ANKS1B: variants seen among roughly 807,000 people sequenced by gnomAD.
ANKS1B encodes the protein ankyrin repeat and sterile alpha motif domain containing 1B.
A neutral mutation model predicts 148.3 loss-of-function variants in ANKS1B; 36 were observed. That is an observed-to-expected ratio of 0.24 (90% CI 0.19 to 0.32). ANKS1B has a LOEUF of 0.32. Ranked by LOEUF, ANKS1B falls within the 10% of genes least tolerant of loss-of-function variation. ANKS1B has a pLI of 1.00. For missense variants in ANKS1B, 1,157 were observed against 1,542.6 expected (o/e 0.75, Z 4.19); for synonymous variants, 542 against 560.8 (o/e 0.97, Z 0.47).
intron 17 of ANKS1B, among the ~76,000 whole-genome samples, chr12:98,962,412 A>T (rs889692605): frequency 6.0e-5 from 9 of 149,376 alleles, no homozygotes; most frequent in African/African-American, 1.7e-4. Context: ...AATATATAAT[A>T]TATATTTTCA....
intron 11 of ANKS1B, among the ~76,000 whole-genome samples, chr12:99,421,744 A>G (rs1217317066): frequency 6.6e-6 from 1 of 152,102 alleles, no homozygotes; most frequent in Non-Finnish European, 1.5e-5. Flanking sequence ...AACCCAAGTG[A>G]TATAGTTTGA....
intron 11 of ANKS1B, among the ~76,000 whole-genome samples, chr12:99,438,464 T>C (rs574266092): frequency 6.6e-6 from 1 of 151,984 alleles, no homozygotes; most frequent in South Asian, 2.1e-4. Context: ...ACCAAACTTA[T>C]CATGTCATCT....
intron 12 of ANKS1B, among the ~76,000 whole-genome samples, chr12:99,353,065 G>T (rs540199267): frequency 6.6e-6 from 1 of 152,052 alleles, no homozygotes; most frequent in African/African-American, 2.4e-5. Flanking sequence ...AATCACATTA[G>T]CCCAAGCCCC....
At chr12:99,616,141 G>A (rs2097957143) in intron 9 of ANKS1B, among the ~76,000 whole-genome samples, 1 of 152,044 alleles carries the variant, frequency 6.6e-6, no homozygotes, top group Non-Finnish European at 1.5e-5. Context: ...AAATCAGAGA[G>A]GACACAAACA....
chr12:99,739,674 C>T (rs1274493808), intron 8 of ANKS1B, among the ~76,000 whole-genome samples: 3 of 152,162 alleles, frequency 2.0e-5, no homozygotes, highest in South Asian at 2.1e-4. Context: ...ATCTCTATGT[C>T]ATCTCCGCCT....
intron 17 of ANKS1B, among the ~76,000 whole-genome samples, chr12:98,841,547 T>TA (rs928257439): frequency 6.6e-6 from 1 of 152,096 alleles, no homozygotes; most frequent in Non-Finnish European, 1.5e-5. Context: ...TGGGAGGAGG[T>TA]AAAAAATCTA....
At chr12:99,749,601 C>T (rs2060919690) in intron 8 of ANKS1B, among the ~76,000 whole-genome samples, 2 of 152,204 alleles carry the variant, frequency 1.3e-5, no homozygotes, top group Admixed American at 1.3e-4. Context: ...ATTTTCAACA[C>T]TGAACTGGTA....
intron 4 of ANKS1B, among the ~76,000 whole-genome samples, chr12:99,802,719 C>A (rs1602465026): frequency 6.6e-6 from 1 of 152,012 alleles, no homozygotes; most frequent in East Asian, 1.9e-4. Context: ...TCGAGACCAA[C>A]CTGGGCAACA....
intron 12 of ANKS1B, among the ~76,000 whole-genome samples, chr12:99,286,702 G>A (rs1301217625): frequency 2.0e-5 from 3 of 152,176 alleles, no homozygotes; most frequent in Admixed American, 6.5e-5. Context: ...ATCCAGGCCT[G>A]GCAGCATTCA....
intron 12 of ANKS1B, among the ~76,000 whole-genome samples, chr12:99,347,321 C>A (rs1040963345): frequency 1.2e-4 from 18 of 152,036 alleles, no homozygotes; most frequent in African/African-American, 4.3e-4. Flanking sequence ...GGAGTAAGGG[C>A]TTTGAGAAGC....
At chr12:99,727,155 G>T (rs1284897505) in intron 8 of ANKS1B, among the ~76,000 whole-genome samples, 1 of 152,080 alleles carries the variant, frequency 6.6e-6, no homozygotes, top group Admixed American at 6.6e-5. Flanking sequence ...TCAGGCAAGA[G>T]AAAGAAGTAA....
chr12:99,193,154 C>T (rs935396692), intron 14 of ANKS1B, among the ~76,000 whole-genome samples: 1 of 152,146 alleles, frequency 6.6e-6, no homozygotes, highest in Non-Finnish European at 1.5e-5. Flanking sequence ...TATGCTTATT[C>T]CTTGTACATA....
intron 8 of ANKS1B, among the ~76,000 whole-genome samples, chr12:99,733,500 A>C (rs1178711780): frequency 6.6e-6 from 1 of 152,212 alleles, no homozygotes; most frequent in African/African-American, 2.4e-5. Flanking sequence ...TTGAGGAGAA[A>C]TTACAATGTT....
At chr12:99,875,085 C>T (rs1387082) in intron 1 of ANKS1B, among the ~76,000 whole-genome samples, 12,873 of 152,068 alleles carry the variant, frequency 0.085, 677 homozygotes, top group Middle Eastern at 0.16. Context: ...AAAGTTGCTG[C>T]ATGAAGTTGC....
intron 26 of ANKS1B, among the ~76,000 whole-genome samples, chr12:98,747,869 G>A (rs2097934800): frequency 6.6e-6 from 1 of 152,200 alleles, no homozygotes; most frequent in South Asian, 2.1e-4. Flanking sequence ...GACAAATATT[G>A]TATGTTCTCA....
At chr12:99,545,482 G>A (rs1444518145) in intron 9 of ANKS1B, among the ~76,000 whole-genome samples, 1 of 152,006 alleles carries the variant, frequency 6.6e-6, no homozygotes, top group African/African-American at 2.4e-5. Flanking sequence ...TTGTTTGTTT[G>A]TTTAGGTCAC....
chr12:99,252,076 C>T (rs1566739767), intron 12 of ANKS1B, among the ~76,000 whole-genome samples: 1 of 152,090 alleles, frequency 6.6e-6, no homozygotes, highest in Non-Finnish European at 1.5e-5. Context: ...AAGGAAGATG[C>T]TATAAGGCAA....
At chr12:99,660,178 T>C (rs901474658) in intron 8 of ANKS1B, among the ~76,000 whole-genome samples, 3 of 152,148 alleles carry the variant, frequency 2.0e-5, no homozygotes, top group Non-Finnish European at 4.4e-5. Flanking sequence ...AACAAATCAT[T>C]CATAATGAAA....
chr12:99,779,838 A>C, intron 6 of ANKS1B, 33 bp downstream of exon 6: 3 of 1,512,258 alleles, frequency 2.0e-6, no homozygotes, highest in Non-Finnish European at 2.8e-6. Flanking sequence ...CTTAACTTTA[A>C]GGCAAACTCA....
Sources: allele counts gnomAD v4.1 joint callset (sites outside exome capture counted in the v4.1 genomes callset), GRCh38; gene constraint gnomAD v4.1.1; transcripts MANE v1.5; gene names NCBI Gene and HGNC (gene_info 2026-07-23, HGNC 2026-07-21).